The following SRD5A2 variants were observed in gnomAD, a reference collection of about 807,000 sequenced individuals.
SRD5A2 encodes the protein steroid 5 alpha-reductase 2, also known as 3-oxo-5-alpha-steroid 4-dehydrogenase 2.
SRD5A2 carries 30 observed loss-of-function variants against 27.4 expected under a neutral mutation model. That is an observed-to-expected ratio of 1.10 (90% confidence interval 0.82 to 1.49). SRD5A2 has a LOEUF of 1.49. SRD5A2 is among the 40% of genes most tolerant of loss of function. The pLI, the probability that SRD5A2 is intolerant of heterozygous loss-of-function variation, is 0.00. For synonymous variants in SRD5A2, 141 were observed against 133.6 expected, an observed-to-expected ratio of 1.06 and a Z score of -0.38; for missense variants, 348 against 323.4, an observed-to-expected ratio of 1.08 and a Z score of -0.58.
intron 1 of SRD5A2, among the ~76,000 whole-genome samples, chr2:31,562,536 A>G (rs1666645954): frequency 6.6e-6 from 1 of 152,188 alleles, no homozygotes; most frequent in African/African-American, 2.4e-5. Context: ...GTTATTTGGA[A>G]GCAAACAGCT....
Position 31,526,104 on chromosome 2 carries a change from C to CATATATATATATATATATA in SRD5A2, c.*91_*92insTATATATATATATATATAT, listed in dbSNP as rs1491224935. On this transcript the variant is annotated 3_prime_UTR_variant, in exon 5 of 5. Coordinates refer to ENST00000622030, the MANE Select transcript of SRD5A2 (RefSeq NM_000348.4). ...CAGGAGACCTACTATTACATATATA[C>CATATATATATATATATATA]GGGACTATTATATCATGAAAATTAC... 8 of 797,376 alleles carry CATATATATATATATATATA rather than the reference C, an allele frequency of 1.0e-5. No individual in the cohort carries two copies. The highest frequency in any genetic ancestry group is 1.4e-5 in the Non-Finnish European group (7 of 493,634). 49.4% of individuals were successfully genotyped at this position (797,376 alleles called of 1,614,324 possible). A position where few individuals can be genotyped will look rare whatever the true frequency, so the allele number is the denominator to read the frequency against.
chr2:31,584,335 C>T (rs1037640465), upstream of SRD5A2, among the ~76,000 whole-genome samples: 4 of 152,146 alleles, frequency 2.6e-5, no homozygotes, highest in Non-Finnish European at 5.9e-5. Flanking sequence ...CACAAGTAAC[C>T]TAACACAGTC....
At chr2:31,613,657 T>C in the SRD5A2 span, among the ~76,000 whole-genome samples, 1 of 152,150 alleles carries the variant, frequency 6.6e-6, no homozygotes, top group Admixed American at 6.5e-5. Context: ...AGCAATTCCA[T>C]TTCTGGGTAT....
upstream of SRD5A2, among the ~76,000 whole-genome samples, chr2:31,582,384 C>A (rs1667098471): frequency 1.3e-5 from 2 of 152,206 alleles, no homozygotes; most frequent in African/African-American, 4.8e-5. Context: ...ACAGGGCACC[C>A]TCTGCTTGCT....
chr2:31,651,396 A>G, the SRD5A2 span: 1,077 of 230,398 alleles, frequency 4.7e-3, 13 homozygotes, highest in African/African-American at 0.024. Flanking sequence ...CAAAAGAGCA[A>G]TCTGGATGCT....
intron 1 of SRD5A2, among the ~76,000 whole-genome samples, chr2:31,576,643 C>T (rs1470972850): frequency 1.7e-5 from 1 of 58,248 alleles, no homozygotes; most frequent in East Asian, 3.3e-4. Flanking sequence ...CATCCCAATA[C>T]TGGGTATATA....
At chr2:31,528,095 C>G (rs879867117) in intron 4 of SRD5A2, among the ~76,000 whole-genome samples, 1 of 152,220 alleles carries the variant, frequency 6.6e-6, no homozygotes, top group Non-Finnish European at 1.5e-5. Context: ...TGTCCCCACT[C>G]CACCCCAGGT....
At chr2:31,653,322 A>G in the SRD5A2 span, among the ~76,000 whole-genome samples, 2 of 152,184 alleles carry the variant, frequency 1.3e-5, no homozygotes, top group Non-Finnish European at 2.9e-5. Context: ...GTGTCCCTCC[A>G]TCTCAGAGTT....
intron 1 of SRD5A2, among the ~76,000 whole-genome samples, chr2:31,537,976 T>G (rs1323394559): frequency 6.6e-6 from 1 of 152,166 alleles, no homozygotes; most frequent in Non-Finnish European, 1.5e-5. Flanking sequence ...TCTAGAACCG[T>G]GTGAAATAGA....
chr2:31,599,017 G>A, the SRD5A2 span, among the ~76,000 whole-genome samples: 1 of 151,884 alleles, frequency 6.6e-6, no homozygotes, highest in Non-Finnish European at 1.5e-5. Flanking sequence ...GAGCAGAAGT[G>A]CTATACTTAT....
chr2:31,592,379 G>A, the SRD5A2 span, among the ~76,000 whole-genome samples: 2 of 152,164 alleles, frequency 1.3e-5, no homozygotes, highest in South Asian at 2.1e-4. Flanking sequence ...TTCACTGCTA[G>A]CATAACCAGC....
At chr2:31,540,953 C>T in intron 1 of SRD5A2, among the ~76,000 whole-genome samples, 1 of 152,208 alleles carries the variant, frequency 6.6e-6, no homozygotes, top group East Asian at 1.9e-4. Context: ...TTTGCTGTTA[C>T]ACCTTATTCC....
chr2:31,530,923 G>A (rs1466408635), intron 3 of SRD5A2, among the ~76,000 whole-genome samples: 3 of 152,126 alleles, frequency 2.0e-5, no homozygotes, highest in Non-Finnish European at 4.4e-5. Context: ...AAGTATATAT[G>A]AATGGCAGGA....
the SRD5A2 span, among the ~76,000 whole-genome samples, chr2:31,642,841 A>G: frequency 6.6e-6 from 1 of 152,108 alleles, no homozygotes; most frequent in African/African-American, 2.4e-5. Context: ...TACTACTCAG[A>G]CAAAAAGTGA....
chr2:31,543,193 C>T (rs888617607), intron 1 of SRD5A2, among the ~76,000 whole-genome samples: 1 of 152,124 alleles, frequency 6.6e-6, no homozygotes, highest in Non-Finnish European at 1.5e-5. Context: ...AGCAAGAACA[C>T]CATATCTGGC....
the SRD5A2 span, among the ~76,000 whole-genome samples, chr2:31,615,136 T>C: frequency 6.6e-6 from 1 of 152,214 alleles, no homozygotes; most frequent in Non-Finnish European, 1.5e-5. Context: ...CAGTCTCAGG[T>C]ATGTCTTTAT....
At chr2:31,640,937 A>G in the SRD5A2 span, among the ~76,000 whole-genome samples, 3 of 152,110 alleles carry the variant, frequency 2.0e-5, no homozygotes, top group Non-Finnish European at 2.9e-5. Context: ...ACTTCTTCCA[A>G]TGAAGAAACT....
At chr2:31,613,779 C>T in the SRD5A2 span, among the ~76,000 whole-genome samples, 3 of 152,090 alleles carry the variant, frequency 2.0e-5, no homozygotes, top group Non-Finnish European at 2.9e-5. Flanking sequence ...CTGGGGAGTC[C>T]TCACAATCAC....
At chr2:31,581,535 C>T (rs940116412), upstream of SRD5A2, among the ~76,000 whole-genome samples, 5 of 152,188 alleles carry the variant, frequency 3.3e-5, no homozygotes, top group Non-Finnish European at 5.9e-5. Context: ...CACACGCCCC[C>T]GGCAGGTACC....
Sources: gnomAD v4.1 joint callset for allele counts (sites outside exome capture counted in the v4.1 genomes callset) on GRCh38, gnomAD v4.1.1 for gene constraint, MANE v1.5 for transcripts, NCBI Gene and HGNC (gene_info 2026-07-23, HGNC 2026-07-21) for gene names.